PIK3C2G: variants seen among roughly 807,000 people sequenced by gnomAD.
PIK3C2G encodes phosphatidylinositol-4-phosphate 3-kinase catalytic subunit type 2 gamma, also known as phosphatidylinositol 3-kinase C2 domain-containing subunit gamma.
Under a neutral mutation model 181.1 loss-of-function variants are expected in PIK3C2G, and 168 were observed. The ratio of observed to expected loss-of-function variants is 0.93; its 90% CI spans 0.82 to 1.05. PIK3C2G has a LOEUF of 1.05. Among genes scored for constraint, PIK3C2G ranks in the 50% least tolerant of loss-of-function variants. The pLI, the probability that PIK3C2G is intolerant of heterozygous loss-of-function variation, is 0.00. For synonymous variants in PIK3C2G, 573 were observed against 592.2 expected (o/e 0.97, Z 0.47); for missense variants, 1,869 against 1,732.8 (o/e 1.08, Z -1.40).
chr12:18,355,684 C>T (rs1191564451), intron 11 of PIK3C2G, among the ~76,000 whole-genome samples: 4 of 152,196 alleles, frequency 2.6e-5, no homozygotes, highest in African/African-American at 4.8e-5. Flanking sequence ...CCCAGGCACC[C>T]AAGCCTGGAG....
At chr12:18,696,382 T>C in the PIK3C2G span, 3 of 234,148 alleles carry the variant, frequency 1.3e-5, no homozygotes, top group African/African-American at 8.0e-5. Context: ...TCAACAATTT[T>C]GATATGTATT....
At chr12:18,646,108 G>A (rs1950116345) in intron 32 of PIK3C2G, among the ~76,000 whole-genome samples, 1 of 152,124 alleles carries the variant, frequency 6.6e-6, no homozygotes, top group African/African-American at 2.4e-5. Flanking sequence ...TACAGTGGTA[G>A]GGTTCTGAGA....
intron 31 of PIK3C2G, among the ~76,000 whole-genome samples, chr12:18,636,121 G>T (rs1229211957): frequency 6.6e-6 from 1 of 152,184 alleles, no homozygotes; most frequent in African/African-American, 2.4e-5. Flanking sequence ...ACTAAATTAT[G>T]ACATAGAGCT....
chr12:18,338,631 A>G (rs1234073614), intron 9 of PIK3C2G, 83 bp downstream of exon 9: 2 of 895,606 alleles, frequency 2.2e-6, no homozygotes, highest in African/African-American at 3.3e-5. Flanking sequence ...TTTTACTAAC[A>G]ACTATATTTC....
At chr12:18,420,879 A>G in intron 16 of PIK3C2G, 62 bp from the exon 17 acceptor site, 2 of 846,400 alleles carry the variant, frequency 2.4e-6, no homozygotes, top group Non-Finnish European at 2.0e-6. Flanking sequence ...GTTCTCCCTG[A>G]CATGTCTTAT....
chr12:18,244,779 T>A (rs10770326), upstream of PIK3C2G, among the ~76,000 whole-genome samples: 65,048 of 151,502 alleles, frequency 0.43, 14,463 homozygotes, highest in East Asian at 0.75. Context: ...AACATTAATC[T>A]CAGAAGTAAT....
At chr12:18,614,111 C>A (rs1331092893) in intron 31 of PIK3C2G, among the ~76,000 whole-genome samples, 1 of 151,908 alleles carries the variant, frequency 6.6e-6, no homozygotes, top group Non-Finnish European at 1.5e-5. Flanking sequence ...AAATAAATGT[C>A]AATTTTTAAA....
At chr12:18,298,929 T>A (rs941609401) in intron 5 of PIK3C2G, among the ~76,000 whole-genome samples, 1 of 151,840 alleles carries the variant, frequency 6.6e-6, no homozygotes, top group African/African-American at 2.4e-5. Flanking sequence ...CATATCAATA[T>A]CATTTTGCTT....
chr12:18,607,760 G>A (rs907859086), intron 30 of PIK3C2G, among the ~76,000 whole-genome samples: 2 of 152,024 alleles, frequency 1.3e-5, no homozygotes, highest in African/African-American at 4.8e-5. Context: ...GAGTGAACAG[G>A]CAACCTACAG....
intron 5 of PIK3C2G, among the ~76,000 whole-genome samples, chr12:18,313,313 A>C (rs986836837): frequency 6.6e-6 from 1 of 152,216 alleles, no homozygotes; most frequent in Non-Finnish European, 1.5e-5. Context: ...AAGAAATATA[A>C]CAGTGCCAGT....
rs1183332785 is a variant in PIK3C2G at position 18,647,979 on chromosome 12, TC to T, written c.4415del (p.Pro1472HisfsTer10). The T allele has an allele frequency of 6.3e-7, 1 of 1,598,722 alleles. No individual in the cohort carries two copies. ...VGAINIRLCSVPLDKEKWYPL... is the reference protein window; with the variant it reads ...VGAINIRLCSXPLDKEKWYPL... ...GCAATTAACATCCGACTCTGTAGTGTCCCACTCGATAAAGAAAAATGGTATC... is the reference window on the plus strand; with the variant it reads ...GCAATTAACATCCGACTCTGTAGTGTCCACTCGATAAAGAAAAATGGTATC... On this transcript the variant is annotated frameshift_variant, in exon 33 of 33. Transcript: ENST00000538779. LOFTEE classifies it high-confidence loss of function.
At chr12:18,546,783 G>A (rs1944453132) in intron 26 of PIK3C2G, among the ~76,000 whole-genome samples, 1 of 151,960 alleles carries the variant, frequency 6.6e-6, no homozygotes, top group African/African-American at 2.4e-5. Flanking sequence ...GATGAGATAT[G>A]TACTCACTAC....
At chr12:18,489,796 CTCCT>C (rs1940390495) in intron 19 of PIK3C2G, among the ~76,000 whole-genome samples, 1 of 152,054 alleles carries the variant, frequency 6.6e-6, no homozygotes, top group Non-Finnish European at 1.5e-5. Flanking sequence ...TGGTCTTTAT[CTCCT>C]ATGTTTTAAA....
the PIK3C2G span, among the ~76,000 whole-genome samples, chr12:18,663,019 TA>T: frequency 6.6e-6 from 1 of 152,092 alleles, no homozygotes; most frequent in African/African-American, 2.4e-5. Flanking sequence ...GAAATTACTT[TA>T]AATATAAGTG....
chr12:18,455,204 A>C (rs1251352255), intron 18 of PIK3C2G, among the ~76,000 whole-genome samples: 1 of 152,144 alleles, frequency 6.6e-6, no homozygotes, highest in Non-Finnish European at 1.5e-5. Flanking sequence ...GCTTTGTCAT[A>C]ATCTATTGGC....
rs991807628 is a variant in PIK3C2G, at chr12:18,594,654, T to C, written c.4087+85T>C. The C allele has an allele frequency of 5.9e-6, 4 of 673,662 alleles. No individual in the cohort carries two copies. In the African/African-American group the frequency reaches 7.6e-5, roughly 13 times the overall value. 41.7% of individuals were successfully genotyped at this position (673,662 alleles called of 1,614,324 possible). On this transcript the variant is annotated intron_variant, in intron 30 of 32. Coordinates refer to ENST00000538779, the MANE Select transcript of PIK3C2G (RefSeq NM_001288772.2). The stretch of plus-strand genomic sequence containing the variant: ...TATCACAACTAATTTTTTTCAATTT[T>C]TCAATTAAAATCTCTTTTTAAGAGT...
At position 18,491,357 on chromosome 12, in the gene PIK3C2G, G is replaced by T. The variant is rs145679985; in HGVS notation, c.2686-94G>T. ...TCCAAGTGTGTAACCCTGAATTCAA[G>T]AATTCATTTAATCAATAGAAGAAAA... is the stretch of plus-strand genomic sequence containing the variant. On this transcript the variant is annotated intron_variant, in intron 19 of 32. Transcript: ENST00000538779. The T allele has an allele frequency of 8.7e-6, 6 of 686,644 alleles. No individual in the cohort carries two copies. The East Asian group carries it at 1.5e-4, about 18-fold the overall frequency. 42.5% of individuals were successfully genotyped at this position (686,644 alleles called of 1,614,324 possible). A position where few individuals can be genotyped will look rare whatever the true frequency, so the allele number is the denominator to read the frequency against.
At chr12:18,593,548 C>A (rs1189768462) in intron 29 of PIK3C2G, among the ~76,000 whole-genome samples, 1 of 151,886 alleles carries the variant, frequency 6.6e-6, no homozygotes, top group Non-Finnish European at 1.5e-5. Context: ...GCTACTATGG[C>A]ATCAGCCTGT....
At chr12:18,293,501 C>A (rs1006129595) in intron 4 of PIK3C2G, among the ~76,000 whole-genome samples, 4 of 152,096 alleles carry the variant, frequency 2.6e-5, no homozygotes, top group Non-Finnish European at 5.9e-5. Flanking sequence ...ATATGTCTCA[C>A]TTTGGTTGAA....
Sources: gnomAD v4.1 joint callset for allele counts (sites outside exome capture counted in the v4.1 genomes callset) on GRCh38, gnomAD v4.1.1 for gene constraint, MANE v1.5 for transcripts, NCBI Gene and HGNC (gene_info 2026-07-23, HGNC 2026-07-21) for gene names.